NEK10: variants seen among roughly 807,000 people sequenced by gnomAD.
NEK10 encodes NIMA related kinase 10.
Under a neutral mutation model 159.8 loss-of-function variants are expected in NEK10, and 122 were observed. That is an observed-to-expected ratio of 0.76 (90% CI 0.66 to 0.89). The LOEUF is 0.89. NEK10 is among the 40% of genes least tolerant of loss of function. NEK10 has a pLI of 0.00. For missense variants in NEK10, 1,342 were observed against 1,323.1 expected (o/e 1.01, Z -0.22); for synonymous variants, 466 against 457.1 (o/e 1.02, Z -0.25).
chr3:27,207,249 A>G (rs1039189946), intron 23 of NEK10, among the ~76,000 whole-genome samples: 1 of 152,220 alleles, frequency 6.6e-6, no homozygotes, highest in African/African-American at 2.4e-5. Context: ...ATAATATTTG[A>G]CAACTAAGGG....
At chr3:27,331,988 A>G (rs1374689865) in intron 5 of NEK10, among the ~76,000 whole-genome samples, 1 of 152,124 alleles carries the variant, frequency 6.6e-6, no homozygotes, top group Non-Finnish European at 1.5e-5. Context: ...GTTTCTTCCA[A>G]CTCATTCCAG....
At chr3:27,227,111 A>G (rs551408397) in intron 23 of NEK10, among the ~76,000 whole-genome samples, 1 of 152,340 alleles carries the variant, frequency 6.6e-6, no homozygotes, top group South Asian at 2.1e-4. Context: ...CTATGTACCA[A>G]GTCCTCTTTT....
chr3:27,174,358 T>A, intron 28 of NEK10, 81 bp downstream of exon 28: 1 of 1,597,930 alleles, frequency 6.3e-7, no homozygotes, highest in Admixed American at 1.8e-5. Flanking sequence ...TATATGGTGA[T>A]ATTTGCTTGA....
chr3:27,137,273 G>A (rs1289889261), intron 31 of NEK10, among the ~76,000 whole-genome samples: 3 of 152,134 alleles, frequency 2.0e-5, no homozygotes, highest in Non-Finnish European at 4.4e-5. Context: ...TACACTGGCA[G>A]TTCAAGAGCA....
chr3:27,271,769 A>G (rs1344110998), intron 22 of NEK10, among the ~76,000 whole-genome samples: 1 of 152,170 alleles, frequency 6.6e-6, no homozygotes, highest in Non-Finnish European at 1.5e-5. Context: ...GTTTTATTTC[A>G]GAAATTGTAC....
At chr3:27,158,814 T>C (rs1257986167) in intron 30 of NEK10, among the ~76,000 whole-genome samples, 1 of 152,214 alleles carries the variant, frequency 6.6e-6, no homozygotes, top group Non-Finnish European at 1.5e-5. Flanking sequence ...CCCACACTAA[T>C]AGAATCCATA....
At chr3:27,291,884 C>T (rs546835203) in intron 16 of NEK10, among the ~76,000 whole-genome samples, 5 of 152,226 alleles carry the variant, frequency 3.3e-5, no homozygotes, top group Admixed American at 2.0e-4. Context: ...CCTCGTGATC[C>T]GCCCGTCTTG....
At chr3:27,207,231 A>G (rs1312684606) in intron 23 of NEK10, among the ~76,000 whole-genome samples, 1 of 152,198 alleles carries the variant, frequency 6.6e-6, no homozygotes, top group African/African-American at 2.4e-5. Context: ...TCCTCAAAAG[A>G]TAAGATGATA....
At chr3:27,253,342 A>G (rs2120887) in intron 23 of NEK10, among the ~76,000 whole-genome samples, 39,141 of 152,132 alleles carry the variant, frequency 0.26, 5,198 homozygotes, top group Middle Eastern at 0.38. Context: ...ACTCTTCCCA[A>G]AAAATGAAGT....
At chr3:27,280,912 GGT>G (rs148929788) in intron 22 of NEK10, among the ~76,000 whole-genome samples, 4,785 of 137,538 alleles carry the variant, frequency 0.035, 97 homozygotes, top group East Asian at 0.06. Flanking sequence ...ATGTACATAT[GGT>G]GTGTGTGTGT....
At chr3:27,319,956 C>T (rs532598618) in intron 6 of NEK10, among the ~76,000 whole-genome samples, 20 of 152,194 alleles carry the variant, frequency 1.3e-4, no homozygotes, top group African/African-American at 4.6e-4. Context: ...GGAACAGATA[C>T]CCATGAAAAA....
At position 27,282,837 on chromosome 3, in the gene NEK10, A is replaced by G. The variant is rs550323895; in HGVS notation, c.2014+1765T>C. ...TAAATTGACATTCCAGCAAATAAAT[A>G]AATTATAAAAAATTTTCAGGAAATA... On this transcript the variant is annotated intron_variant, in intron 22 of 35. Transcript: ENST00000691995. Among the ~76,000 whole-genome samples the G allele has an allele frequency of 2.6e-5, 4 of 151,282 alleles. No homozygotes were observed. The South Asian group carries it at 8.3e-4, about 31-fold the overall frequency.
chr3:27,361,024 G>A (rs1026048903), intron 1 of NEK10, among the ~76,000 whole-genome samples: 1 of 152,192 alleles, frequency 6.6e-6, no homozygotes, highest in Non-Finnish European at 1.5e-5. Flanking sequence ...CACCTGCTAT[G>A]ATGATGGACA....
intron 23 of NEK10, among the ~76,000 whole-genome samples, chr3:27,248,203 C>G (rs140327388): frequency 3.2e-4 from 49 of 152,176 alleles, no homozygotes; most frequent in South Asian, 6.2e-4. Flanking sequence ...TCTGCAGTAT[C>G]AATTGTAATG....
intron 22 of NEK10, among the ~76,000 whole-genome samples, chr3:27,273,023 G>A (rs1252443653): frequency 6.6e-6 from 1 of 152,160 alleles, no homozygotes; most frequent in African/African-American, 2.4e-5. Flanking sequence ...GTGACAAATG[G>A]TGACTGGGTT....
Position 27,116,100 on chromosome 3 carries a change from T to G in NEK10, c.3218A>C (p.Glu1073Ala), listed in dbSNP as rs1940384088. Residue 1073 changes from glutamate to alanine, a missense_variant, in exon 34 of 36, where the codon GAA becomes GCA. Glu to Ala is a moderately radical substitution (Grantham distance 107, BLOSUM62 -1). Transcript: ENST00000691995. ...TGLPTSIELE[E>A]GITYEQMQTV... ...CTGCATCTGTTCATATGTTATTCCT[T>G]CCTCCAATTCAATGCTGGTTGGTAA... The G allele has an allele frequency of 6.2e-7, 1 of 1,613,496 alleles. No individual in the cohort carries two copies. Among genetic ancestry groups the G allele is most frequent in the African/African-American group, 1.3e-5 (1 of 74,904 alleles).
At chr3:27,128,076 G>A (rs576239812) in intron 32 of NEK10, among the ~76,000 whole-genome samples, 2 of 152,268 alleles carry the variant, frequency 1.3e-5, no homozygotes, top group South Asian at 4.1e-4. Flanking sequence ...TTCCCGTAAA[G>A]GATCAGATAG....
At chr3:27,160,515 T>C (rs746444735) in intron 30 of NEK10, among the ~76,000 whole-genome samples, 6 of 152,186 alleles carry the variant, frequency 3.9e-5, no homozygotes, top group Non-Finnish European at 8.8e-5. Flanking sequence ...GTAGAGTAAC[T>C]CTCAGGTGGT....
At chr3:27,360,573 T>A (rs2048615986) in intron 1 of NEK10, among the ~76,000 whole-genome samples, 1 of 152,168 alleles carries the variant, frequency 6.6e-6, no homozygotes. Context: ...TAAATCTTCA[T>A]GGAAAACTCT....
Sources: gnomAD v4.1 joint callset for allele counts (sites outside exome capture counted in the v4.1 genomes callset) on GRCh38, gnomAD v4.1.1 for gene constraint, MANE v1.5 for transcripts, NCBI Gene and HGNC (gene_info 2026-07-23, HGNC 2026-07-21) for gene names.